The following C1QTNF1 variants were observed in gnomAD, a reference collection of about 807,000 sequenced individuals.
C1QTNF1 encodes complement C1q tumor necrosis factor-related protein 1.
A neutral mutation model predicts 27.8 loss-of-function variants in C1QTNF1; 22 were observed. The observed-to-expected ratio is 0.79, with a 90% CI of 0.56 to 1.13. The LOEUF (loss-of-function observed/expected upper bound fraction) is 1.13. Ranked by LOEUF, C1QTNF1 falls within the 50% of genes most tolerant of loss-of-function variation. The pLI is 0.00. For synonymous variants in C1QTNF1, 166 were observed against 154.3 expected, an observed-to-expected ratio of 1.08 and a Z score of -0.56; for missense variants, 373 against 380.2, an observed-to-expected ratio of 0.98 and a Z score of 0.16.
intron 1 of C1QTNF1, among the ~76,000 whole-genome samples, chr17:79,039,234 T>C (rs2072337672): frequency 6.6e-6 from 1 of 152,248 alleles, no homozygotes; most frequent in African/African-American, 2.4e-5. Flanking sequence ...TTTTTTGTTG[T>C]CATAACTAGA....
Position 79,046,290 on chromosome 17 carries a change from C to T in C1QTNF1, c.156-265C>T, listed in dbSNP as rs2072570617. Among the ~76,000 whole-genome samples the T allele has an allele frequency of 6.6e-6, 1 of 152,234 alleles. No individual in the cohort carries two copies. Among genetic ancestry groups the T allele is most frequent in the African/African-American group, 2.4e-5 (1 of 41,458 alleles). On this transcript the variant is annotated intron_variant, in intron 2 of 3. Coordinates refer to ENST00000579760, the MANE Select transcript of C1QTNF1 (RefSeq NM_030968.5). The surrounding 1 kb of genome is among the most constrained non-coding windows in gnomAD (Gnocchi z 4.8). The stretch of plus-strand genomic sequence containing the variant: ...CTTAGAAGTGTGGATTTCTCCCGAG[C>T]AGCCCCCATCTTGCGTGGCACTCAA...
chr17:79,039,611 C>T (rs1295857890), intron 1 of C1QTNF1, among the ~76,000 whole-genome samples: 2 of 151,806 alleles, frequency 1.3e-5, no homozygotes, highest in African/African-American at 4.8e-5. Flanking sequence ...CAAGATCGCG[C>T]CACTTCACTC....
chr17:79,028,942 T>C (rs2072053177), intron 1 of C1QTNF1, among the ~76,000 whole-genome samples: 1 of 152,090 alleles, frequency 6.6e-6, no homozygotes, highest in South Asian at 2.1e-4. Context: ...CTGGTGATCC[T>C]GTGCCTAAAT....
At chr17:79,039,401 G>A (rs2072343180) in intron 1 of C1QTNF1, among the ~76,000 whole-genome samples, 1 of 151,628 alleles carries the variant, frequency 6.6e-6, no homozygotes, top group Non-Finnish European at 1.5e-5. Context: ...CGTAATCCCA[G>A]CACTTTGGGA....
chr17:79,038,505 T>C (rs1367072835), intron 1 of C1QTNF1, among the ~76,000 whole-genome samples: 1 of 152,042 alleles, frequency 6.6e-6, no homozygotes, highest in Non-Finnish European at 1.5e-5. Flanking sequence ...AGGAAAATGG[T>C]CGCCGAATTA....
intron 1 of C1QTNF1, among the ~76,000 whole-genome samples, chr17:79,030,931 C>T (rs1354266063): frequency 6.6e-6 from 1 of 150,740 alleles, no homozygotes; most frequent in Admixed American, 6.6e-5. Flanking sequence ...TAAATATTCA[C>T]CTATTTACAG....
chr17:79,027,122 G>T (rs1353765306), intron 1 of C1QTNF1, among the ~76,000 whole-genome samples: 1 of 152,030 alleles, frequency 6.6e-6, no homozygotes, highest in Admixed American at 6.5e-5. Context: ...CTTAGGGAAG[G>T]GGTGGGGGTG....
chr17:79,038,318 C>T (rs2072314424), intron 1 of C1QTNF1, among the ~76,000 whole-genome samples: 1 of 152,158 alleles, frequency 6.6e-6, no homozygotes, highest in African/African-American at 2.4e-5. Flanking sequence ...AAGGATGTGT[C>T]CTCAGGCTTC....
intron 1 of C1QTNF1, among the ~76,000 whole-genome samples, chr17:79,039,884 A>G (rs955274144): frequency 1.3e-5 from 2 of 152,142 alleles, no homozygotes; most frequent in Admixed American, 6.5e-5. Context: ...TTCAGGAAAA[A>G]AATATTTAAA....
chr17:79,047,237 T>G, intron 3 of C1QTNF1: 2 of 345,538 alleles, frequency 5.8e-6, no homozygotes, highest in East Asian at 4.3e-5. Context: ...TTTTTTCTTT[T>G]CTTTTTTTTT....
rs756102837 is a variant in C1QTNF1 at position 79,043,951 on chromosome 17, C to T, written c.-14-4C>T. The T allele has an allele frequency of 2.7e-5, 44 of 1,613,678 alleles. No individual in the cohort carries two copies. The South Asian group carries it at 4.6e-4, about 17-fold the overall frequency. ...GCCTTCCCTGTGTGTTTCTTTCCCA[C>T]CAGGGCCCGGCAGGAAGATGGGCTC... On this transcript the variant is annotated splice_region_variant and splice_polypyrimidine_tract_variant and intron_variant, in intron 1 of 3. Coordinates refer to ENST00000579760, the MANE Select transcript of C1QTNF1 (RefSeq NM_030968.5).
upstream of C1QTNF1, among the ~76,000 whole-genome samples, chr17:79,023,388 C>A (rs1024212967): frequency 1.3e-5 from 2 of 152,210 alleles, no homozygotes; most frequent in Admixed American, 6.5e-5. Flanking sequence ...GGGATGGAGA[C>A]TGGGTCCCAA....
At chr17:79,038,101 T>C (rs2072308388) in intron 1 of C1QTNF1, among the ~76,000 whole-genome samples, 1 of 152,058 alleles carries the variant, frequency 6.6e-6, no homozygotes, top group Non-Finnish European at 1.5e-5. Flanking sequence ...GCAATTCTCC[T>C]GCCTCAGCCT....
chr17:79,035,708 G>C (rs112064788), intron 1 of C1QTNF1, among the ~76,000 whole-genome samples: 1,971 of 152,290 alleles, frequency 0.013, 48 homozygotes, highest in African/African-American at 0.045. Flanking sequence ...TGGGATTATA[G>C]GCGTGAGCCA....
In C1QTNF1 at chr17:79,044,049, G is replaced by T. The variant is rs529577592; in HGVS notation, c.81G>T (p.Val27=). ...AFASGLVLSR[V]PHVQGEQQEW... ...CCTCTGGCCTGGTCCTGAGTCGTGT[G>T]CCCCATGTCCAGGGGGAACAGCAGG... The change falls in exon 2 of 4, where the codon GTG becomes GTT. Residue 27 remains valine, a synonymous_variant. Coordinates refer to ENST00000579760, the MANE Select transcript of C1QTNF1 (RefSeq NM_030968.5). 1.9e-6 allele frequency: 3 copies of T among 1,613,966 alleles called. No individual in the cohort carries two copies. Among genetic ancestry groups the T allele is most frequent in the Middle Eastern group, 3.3e-4 (2 of 6,054 alleles).
chr17:79,028,135 A>G (rs1363056914), intron 1 of C1QTNF1, among the ~76,000 whole-genome samples: 1 of 152,194 alleles, frequency 6.6e-6, no homozygotes, highest in Non-Finnish European at 1.5e-5. Context: ...GACGGCAGGC[A>G]GGGAGGCAGG....
intron 1 of C1QTNF1, among the ~76,000 whole-genome samples, chr17:79,030,433 C>CTT (rs2072092357): frequency 6.7e-6 from 1 of 148,710 alleles, no homozygotes; most frequent in African/African-American, 2.5e-5. Flanking sequence ...GCTTTACAAA[C>CTT]TTTCTCTCTC....
At chr17:79,036,871 A>G (rs1490026656) in intron 1 of C1QTNF1, among the ~76,000 whole-genome samples, 2 of 152,174 alleles carry the variant, frequency 1.3e-5, no homozygotes, top group African/African-American at 4.8e-5. Flanking sequence ...TTCCAATTCA[A>G]GGAGATTATA....
chr17:79,031,960 A>AT (rs1490129669), intron 1 of C1QTNF1, among the ~76,000 whole-genome samples: 1 of 152,074 alleles, frequency 6.6e-6, no homozygotes, highest in East Asian at 1.9e-4. Context: ...TTAGAGAGAG[A>AT]TTTGGACAGG....
Sources: allele counts gnomAD v4.1 joint callset (sites outside exome capture counted in the v4.1 genomes callset), GRCh38; gene constraint gnomAD v4.1.1; non-coding constraint Gnocchi (gnomAD v3.1); transcripts MANE v1.5; gene names NCBI Gene and HGNC (gene_info 2026-07-23, HGNC 2026-07-21).